EDIL3: variants seen among roughly 807,000 people sequenced by gnomAD.
EDIL3 encodes EGF-like repeat and discoidin I-like domain-containing protein 3.
In EDIL3, 37 loss-of-function variants were observed where a neutral mutation model predicts 67.4. The observed-to-expected ratio is 0.55, with a 90% confidence interval of 0.42 to 0.72. EDIL3 has a LOEUF of 0.72. Among genes scored for constraint, EDIL3 ranks in the 30% least tolerant of loss-of-function variants. The pLI is 0.00. For missense variants in EDIL3, 527 were observed against 586.3 expected (o/e 0.90, Z 1.04); for synonymous variants, 195 against 196.3 (o/e 0.99, Z 0.05).
chr5:84,311,347 G>T (rs1251472238), intron 1 of EDIL3, among the ~76,000 whole-genome samples: 4 of 114,938 alleles, frequency 3.5e-5, no homozygotes, highest in African/African-American at 6.1e-5. Context: ...TTTACATGCA[G>T]TATGATTTAT....
intron 1 of EDIL3, among the ~76,000 whole-genome samples, chr5:84,376,021 A>G (rs1747958555): frequency 6.6e-6 from 1 of 152,206 alleles, no homozygotes; most frequent in Non-Finnish European, 1.5e-5. Context: ...AAATATCTCC[A>G]TGATATACAA....
rs576026511 is a variant in EDIL3 at position 84,273,954 on chromosome 5, G to A, written c.68-19742C>T. On this transcript the variant is annotated intron_variant, in intron 1 of 10. Coordinates refer to ENST00000296591, the MANE Select transcript of EDIL3 (RefSeq NM_005711.5). Reference sequence around the variant, plus strand: ...TTCCCAGTGTGTACATCTATGCCTTGTTGTCAATATTCTGTCAAGATTTTG... The same window carrying A: ...TTCCCAGTGTGTACATCTATGCCTTATTGTCAATATTCTGTCAAGATTTTG... Among the ~76,000 whole-genome samples, 4 of 152,054 alleles carry A rather than the reference G, an allele frequency of 2.6e-5. No homozygotes were observed. In the East Asian group the frequency reaches 7.7e-4, roughly 29 times the overall value.
chr5:84,052,928 G>T (rs1746369519), intron 9 of EDIL3, among the ~76,000 whole-genome samples: 1 of 152,146 alleles, frequency 6.6e-6, no homozygotes, highest in Admixed American at 6.5e-5. Flanking sequence ...GGATATCCAG[G>T]AATTGAATTC....
At chr5:84,116,242 T>A (rs1233044376) in intron 5 of EDIL3, among the ~76,000 whole-genome samples, 5 of 144,920 alleles carry the variant, frequency 3.5e-5, no homozygotes, top group Non-Finnish European at 3.0e-5. Flanking sequence ...CCATTGCAGG[T>A]GCCAAGGAAA....
Position 84,229,886 on chromosome 5 carries a change from TATG to T in EDIL3, c.197-5_197-3del, listed in dbSNP as rs747075601. ...AAGTTGGTTCTTCTTCATCTGATGC[TATG>T]ATAAGAGGAAAAGGTGAAATGGGGG... On this transcript the variant is annotated splice_region_variant and splice_polypyrimidine_tract_variant and intron_variant, in intron 2 of 10. Coordinates refer to ENST00000296591, the MANE Select transcript of EDIL3 (RefSeq NM_005711.5). The T allele has an allele frequency of 6.3e-7, 1 of 1,596,858 alleles. No individual in the cohort carries two copies. The highest frequency in any genetic ancestry group is 1.1e-5 in the South Asian group (1 of 89,236).
chr5:84,114,718 G>A (rs1261162652), intron 5 of EDIL3, among the ~76,000 whole-genome samples: 1 of 152,164 alleles, frequency 6.6e-6, no homozygotes, highest in Non-Finnish European at 1.5e-5. Context: ...AGAAAAGGCT[G>A]TTTCTTCCTA....
intron 1 of EDIL3, among the ~76,000 whole-genome samples, chr5:84,381,906 A>G (rs1186697367): frequency 6.6e-6 from 1 of 152,270 alleles, no homozygotes; most frequent in Middle Eastern, 3.2e-3. Context: ...GCATTAATGC[A>G]AGTAAATTGC....
intron 1 of EDIL3, among the ~76,000 whole-genome samples, chr5:84,375,978 T>C (rs1301369879): frequency 6.6e-6 from 1 of 152,202 alleles, no homozygotes; most frequent in African/African-American, 2.4e-5. Flanking sequence ...TTAGACATAA[T>C]GTGTGTTTTA....
At chr5:84,323,076 C>T (rs899516346) in intron 1 of EDIL3, among the ~76,000 whole-genome samples, 1 of 152,020 alleles carries the variant, frequency 6.6e-6, no homozygotes, top group African/African-American at 2.4e-5. Context: ...TGGTTTGTAA[C>T]TTTAATATTT....
At chr5:83,994,882 T>C (rs1745210343) in intron 9 of EDIL3, among the ~76,000 whole-genome samples, 1 of 152,166 alleles carries the variant, frequency 6.6e-6, no homozygotes, top group African/African-American at 2.4e-5. Flanking sequence ...CTTCTTAGCT[T>C]ATCTCCTTTT....
At chr5:84,299,577 C>T (rs1746116604) in intron 1 of EDIL3, among the ~76,000 whole-genome samples, 1 of 152,096 alleles carries the variant, frequency 6.6e-6, no homozygotes, top group South Asian at 2.1e-4. Context: ...CCCCACTGTC[C>T]CAACATAAAC....
chr5:84,049,722 CA>C (rs1230028055), intron 9 of EDIL3, among the ~76,000 whole-genome samples: 2 of 149,948 alleles, frequency 1.3e-5, no homozygotes, highest in African/African-American at 5.1e-5. Context: ...CTTTATTGCT[CA>C]AAGTATTAGT....
At chr5:84,336,995 A>G (rs1245465637) in intron 1 of EDIL3, among the ~76,000 whole-genome samples, 2 of 152,148 alleles carry the variant, frequency 1.3e-5, no homozygotes, top group African/African-American at 4.8e-5. Flanking sequence ...TCTTTTAACT[A>G]TATGGATGTT....
At chr5:84,017,333 T>C (rs976296767) in intron 9 of EDIL3, among the ~76,000 whole-genome samples, 1 of 152,186 alleles carries the variant, frequency 6.6e-6, no homozygotes, top group African/African-American at 2.4e-5. Flanking sequence ...ACAGAGAGGT[T>C]CCACAATGTC....
chr5:83,965,174 CT>C, intron 9 of EDIL3, among the ~76,000 whole-genome samples: 1 of 152,182 alleles, frequency 6.6e-6, no homozygotes. Context: ...TATATTTTCT[CT>C]CAATGATTTC....
intron 9 of EDIL3, among the ~76,000 whole-genome samples, chr5:83,974,657 C>T (rs545199956): frequency 2.6e-5 from 4 of 152,092 alleles, no homozygotes; most frequent in Admixed American, 2.6e-4. Context: ...GCATTTCAGT[C>T]ACCATAAATT....
intron 4 of EDIL3, among the ~76,000 whole-genome samples, chr5:84,176,212 T>TATATATATATATAAA (rs1554071690): frequency 3.5e-4 from 43 of 121,468 alleles, no homozygotes; most frequent in African/African-American, 1.5e-3. Context: ...TATATATATA[T>TATATATATATATAAA]ATATATATAT....
intron 9 of EDIL3, among the ~76,000 whole-genome samples, chr5:83,991,006 G>A (rs1745141798): frequency 6.6e-6 from 1 of 152,162 alleles, no homozygotes; most frequent in South Asian, 2.1e-4. Context: ...TTTACAAAAT[G>A]TAAAGGACTG....
intron 9 of EDIL3, among the ~76,000 whole-genome samples, chr5:83,979,255 CTAAG>C (rs1265794335): frequency 6.6e-6 from 1 of 152,064 alleles, no homozygotes; most frequent in African/African-American, 2.4e-5. Flanking sequence ...TTCAACAATA[CTAAG>C]TGTTAGGTGC....
Sources: gnomAD v4.1 joint callset for allele counts (sites outside exome capture counted in the v4.1 genomes callset) on GRCh38, gnomAD v4.1.1 for gene constraint, MANE v1.5 for transcripts, NCBI Gene and HGNC (gene_info 2026-07-23, HGNC 2026-07-21) for gene names.